FYB2: variants seen among roughly 807,000 people sequenced by gnomAD.
The protein encoded by FYB2 is FYN binding protein 2.
FYB2 carries 103 observed loss-of-function variants against 94.1 expected under a neutral mutation model. The ratio of observed to expected loss-of-function variants is 1.09; its 90% CI spans 0.93 to 1.29. FYB2 has a LOEUF of 1.29. Ranked by LOEUF, FYB2 falls within the 50% of genes most tolerant of loss-of-function variation. The pLI, the probability that FYB2 is intolerant of heterozygous loss-of-function variation, is 0.00. For missense variants in FYB2, 896 were observed against 841.5 expected, an observed-to-expected ratio of 1.06 and a Z score of -0.80; for synonymous variants, 293 against 287.9, an observed-to-expected ratio of 1.02 and a Z score of -0.18.
intron 16 of FYB2, among the ~76,000 whole-genome samples, chr1:56,724,058 C>CTT (rs1413386764): frequency 1.4e-5 from 2 of 142,512 alleles, no homozygotes; most frequent in African/African-American, 5.6e-5. Flanking sequence ...AGAGATATAA[C>CTT]TTTTTCTTTT....
rs1489991858 is a variant in FYB2 at position 56,796,714 on chromosome 1, C to T, written c.10-3911G>A. Among the ~76,000 whole-genome samples, 3 of 152,192 alleles carry T rather than the reference C, an allele frequency of 2.0e-5. No individual in the cohort carries two copies. The East Asian group carries it at 5.8e-4, about 29-fold the overall frequency. On this transcript the variant is annotated intron_variant, in intron 1 of 19. Coordinates refer to ENST00000343433, the MANE Select transcript of FYB2 (RefSeq NM_001004303.5). The stretch of plus-strand genomic sequence containing the variant: ...AACGTCACATTGGGCCTCCCCCCAA[C>T]ATGCTTTCTTCCTTCTAGCCTCACT...
intron 15 of FYB2, among the ~76,000 whole-genome samples, chr1:56,729,839 G>GA (rs1233074653): frequency 6.6e-6 from 1 of 152,048 alleles, no homozygotes; most frequent in African/African-American, 2.4e-5. Flanking sequence ...TATCTCATCT[G>GA]AGCACAGTGG....
intron 6 of FYB2, among the ~76,000 whole-genome samples, chr1:56,756,188 T>C (rs921896175): frequency 6.6e-5 from 10 of 152,176 alleles, no homozygotes; most frequent in East Asian, 1.9e-4. Context: ...AATTGTTGTA[T>C]GCACACCTTT....
At chr1:56,742,655 C>G (rs1385074473) in intron 11 of FYB2, among the ~76,000 whole-genome samples, 2 of 152,104 alleles carry the variant, frequency 1.3e-5, no homozygotes, top group African/African-American at 4.8e-5. Context: ...TAGCCCAACA[C>G]ATAAGCTTAA....
rs112420848 is a variant in FYB2, at chr1:56,723,985, C to T, written c.1881-304G>A. 8.6e-3 allele frequency among the ~76,000 whole-genome samples: 1,309 copies of T among 151,386 alleles called. 11 individuals carry two copies. Among genetic ancestry groups the T allele is most frequent in the Non-Finnish European group, 0.012 (844 of 67,842 alleles). On this transcript the variant is annotated intron_variant, in intron 16 of 19. Coordinates refer to ENST00000343433, the MANE Select transcript of FYB2 (RefSeq NM_001004303.5). ...AATATTTTTGATGGCAAGATAATAA[C>T]GGGATAAAATCACATTGGTTAAACA...
Position 56,740,762 on chromosome 1 carries a change from C to T in FYB2, c.1638G>A (p.Gln546=). 2 of 1,607,782 alleles carry T rather than the reference C, an allele frequency of 1.2e-6. No individual in the cohort carries two copies. The highest frequency in any genetic ancestry group is 1.7e-6 in the Non-Finnish European group (2 of 1,176,720). The change falls in exon 13 of 20, where the codon CAG becomes CAA. Residue 546 remains glutamine, a synonymous_variant. Coordinates refer to ENST00000343433, the MANE Select transcript of FYB2 (RefSeq NM_001004303.5). ...LDGKEALKRL[Q]QFFKKEKDRF... ...TATCCTTTTCTTTCTTGAAGAATTG[C>T]TGCAGTCTTTTGAGTGCTTCTTTTC...
chr1:56,747,185 A>C, intron 9 of FYB2, among the ~76,000 whole-genome samples: 1 of 151,946 alleles, frequency 6.6e-6, no homozygotes, highest in East Asian at 1.9e-4. Context: ...TATTTGATAC[A>C]TAAACGGTAT....
intron 1 of FYB2, among the ~76,000 whole-genome samples, chr1:56,795,234 GT>G (rs1384919665): frequency 6.6e-6 from 1 of 152,022 alleles, no homozygotes; most frequent in Non-Finnish European, 1.5e-5. Flanking sequence ...TAGAGTATTT[GT>G]CTTTTTGTAA....
intron 4 of FYB2, among the ~76,000 whole-genome samples, chr1:56,781,859 G>A (rs934753900): frequency 1.3e-5 from 2 of 152,096 alleles, no homozygotes; most frequent in African/African-American, 2.4e-5. Context: ...TGTCCTAAGC[G>A]TGGTTCTCCC....
intron 3 of FYB2, 48 bp from the exon 4 acceptor site, chr1:56,787,256 G>A: frequency 6.2e-7 from 1 of 1,604,538 alleles, no homozygotes; most frequent in Non-Finnish European, 8.5e-7. Flanking sequence ...GCAGCAGCCT[G>A]GTTAAAGTGA....
At chr1:56,743,367 C>T (rs1045953568) in intron 11 of FYB2, among the ~76,000 whole-genome samples, 4 of 151,920 alleles carry the variant, frequency 2.6e-5, no homozygotes, top group African/African-American at 9.7e-5. Flanking sequence ...TATAAAATTA[C>T]AACTGTGACA....
upstream of FYB2, among the ~76,000 whole-genome samples, chr1:56,822,406 G>C (rs79047587): frequency 4.6e-5 from 7 of 152,180 alleles, no homozygotes; most frequent in Admixed American, 4.6e-4. Context: ...AATTTTGAAC[G>C]TAGTCTGTGA....
At chr1:56,769,316 C>T (rs1011898990) in intron 4 of FYB2, among the ~76,000 whole-genome samples, 1 of 152,092 alleles carries the variant, frequency 6.6e-6, no homozygotes, top group African/African-American at 2.4e-5. Flanking sequence ...ACTAAGATTA[C>T]AGTCATGAGC....
At chr1:56,792,035 C>T (rs1171135630) in intron 2 of FYB2, 21 bp downstream of exon 2, 1 of 1,550,042 alleles carries the variant, frequency 6.5e-7, no homozygotes, top group East Asian at 2.2e-5. Context: ...GCCCCTGTCC[C>T]ATGGGGATCA....
In FYB2 at chr1:56,756,939, A is replaced by G. The variant is rs901790008; in HGVS notation, c.1099-1012T>C. Reference sequence around the variant, plus strand: ...CTTGTGGTAGTTTGGTGTGAAGGGAACTAGTTCTTCTGCAAAGGCTCAAGA... The same window carrying G: ...CTTGTGGTAGTTTGGTGTGAAGGGAGCTAGTTCTTCTGCAAAGGCTCAAGA... On this transcript the variant is annotated intron_variant, in intron 6 of 19. Transcript: ENST00000343433. 3.3e-5 allele frequency among the ~76,000 whole-genome samples: 5 copies of G among 152,082 alleles called. 1 individual carries two copies. In the South Asian group the frequency reaches 8.3e-4, roughly 25 times the overall value.
Position 56,792,471 on chromosome 1 carries a change from C to T in FYB2, c.342G>A (p.Leu114=). ...CAACATTTGATTGAGTCACCTCTAA[C>T]AGCAGAGAAGCCTTCTGTGAACTTG... The part of the protein sequence containing the change: ...SATSSQKASL[L]LEVTQSNVEI... Residue 114 remains leucine (L), a synonymous_variant, in exon 2 of 20, where the codon CTG becomes CTA. Coordinates refer to ENST00000343433, the MANE Select transcript of FYB2 (RefSeq NM_001004303.5). 2 of 1,614,210 alleles carry T rather than the reference C, an allele frequency of 1.2e-6. No homozygotes were observed. The highest frequency in any genetic ancestry group is 1.7e-6 in the Non-Finnish European group (2 of 1,180,022).
intron 1 of FYB2, among the ~76,000 whole-genome samples, chr1:56,793,730 C>T (rs77290785): frequency 0.033 from 2,259 of 67,858 alleles, 81 homozygotes; most frequent in East Asian, 0.23. Flanking sequence ...GAACCTAAAA[C>T]GAAAGTTGAA....
intron 7 of FYB2, 142 bp from the exon 8 acceptor site, chr1:56,754,077 T>A (rs950973201): frequency 3.2e-6 from 2 of 618,404 alleles, no homozygotes; most frequent in African/African-American, 1.9e-5. Flanking sequence ...GGGACTAGGA[T>A]CAGATCAATT....
chr1:56,789,239 C>T (rs771353533), intron 2 of FYB2, 105 bp from the exon 3 acceptor site: 15 of 1,276,372 alleles, frequency 1.2e-5, no homozygotes, highest in African/African-American at 1.5e-5. Context: ...CCAATCTATT[C>T]TCCACCCAAC....
Sources: gnomAD v4.1 joint callset for allele counts (sites outside exome capture counted in the v4.1 genomes callset) on GRCh38, gnomAD v4.1.1 for gene constraint, MANE v1.5 for transcripts, NCBI Gene and HGNC (gene_info 2026-07-23, HGNC 2026-07-21) for gene names.